Variants in PRKN observed in about 807,000 individuals in gnomAD.
PRKN encodes the protein E3 ubiquitin-protein ligase parkin.
A neutral mutation model predicts 59.5 loss-of-function variants in PRKN; 56 were observed. That is an observed-to-expected ratio of 0.94 (90% confidence interval 0.76 to 1.18). The LOEUF is 1.18. Among genes scored for constraint, PRKN ranks in the 50% most tolerant of loss-of-function variants. The pLI, the probability that PRKN is intolerant of heterozygous loss-of-function variation, is 0.00. For synonymous variants in PRKN, 250 were observed against 222.1 expected, an observed-to-expected ratio of 1.13 and a Z score of -1.12; for missense variants, 657 against 596.4, an observed-to-expected ratio of 1.10 and a Z score of -1.06.
At chr6:161,677,641 C>T (rs374215933) in intron 7 of PRKN, among the ~76,000 whole-genome samples, 26 of 152,286 alleles carry the variant, frequency 1.7e-4, no homozygotes, top group South Asian at 4.1e-4. Context: ...CTATGACTGA[C>T]GCCAAATAGC....
In PRKN at chr6:162,201,136, T is replaced by C. The variant is rs1246047894; in HGVS notation, c.529A>G (p.Thr177Ala). 4 of 1,614,028 alleles carry C rather than the reference T, an allele frequency of 2.5e-6. No individual in the cohort carries two copies. The highest frequency in any genetic ancestry group is 3.4e-6 in the Non-Finnish European group (4 of 1,180,004). Residue 177 changes from threonine to alanine, a missense_variant, in exon 4 of 12, where the codon ACC becomes GCC. By Grantham distance (58) the Thr-to-Ala change is moderately conservative. Transcript: ENST00000366898. ...CTGACACTGCATTTCCTTACCTGGG[T>C]CAAGGTGAGCGTTGCCTGCCTGCAG... is the stretch of plus-strand genomic sequence containing the variant. ...STCRQATLTL[T>A]QGPSCWDDVL...
chr6:162,538,687 C>T (rs1281680827), intron 1 of PRKN, among the ~76,000 whole-genome samples: 1 of 152,104 alleles, frequency 6.6e-6, no homozygotes, highest in African/African-American at 2.4e-5. Flanking sequence ...TGAGATCAAC[C>T]GATCTACAGA....
rs79519108 is a variant in PRKN, at chr6:162,513,543, G to A, written c.8-70070C>T. Among the ~76,000 whole-genome samples the A allele has an allele frequency of 2.5e-3, 384 of 152,004 alleles. 16 individuals are homozygous for A. The East Asian group carries it at 0.061, about 24-fold the overall frequency. On this transcript the variant is annotated intron_variant, in intron 1 of 11. Coordinates refer to ENST00000366898, the MANE Select transcript of PRKN (RefSeq NM_004562.3). ...AAGAGAGAGAGAAAGAGAAGGAAGA[G>A]AGAGACAGAGAAAGAAGGAAGGAAA...
At chr6:162,555,681 T>A (rs1779533260) in intron 1 of PRKN, among the ~76,000 whole-genome samples, 1 of 152,028 alleles carries the variant, frequency 6.6e-6, no homozygotes, top group South Asian at 2.1e-4. Flanking sequence ...TCCATTGACA[T>A]TTCATAATTA....
intron 7 of PRKN, among the ~76,000 whole-genome samples, chr6:161,776,690 T>C (rs1789939447): frequency 6.6e-6 from 1 of 152,120 alleles, no homozygotes; most frequent in Admixed American, 6.6e-5. Context: ...CTTTAAAAAC[T>C]TCCATGTAAC....
intron 7 of PRKN, among the ~76,000 whole-genome samples, chr6:161,680,751 ATATATATATATATATATATATATATTT>A (rs1562603680): frequency 1.3e-4 from 2 of 15,594 alleles, no homozygotes; most frequent in Non-Finnish European, 2.7e-4. Flanking sequence ...ATATATATAT[ATATATATATATATATATATATATATTT>A]TTTTTTTTTT....
intron 7 of PRKN, among the ~76,000 whole-genome samples, chr6:161,710,580 A>G (rs1052317864): frequency 1.3e-5 from 2 of 152,122 alleles, no homozygotes; most frequent in African/African-American, 2.4e-5. Context: ...TTTAAACATC[A>G]TAAGAATGAT....
At chr6:161,630,395 T>C (rs748433758) in intron 7 of PRKN, among the ~76,000 whole-genome samples, 2 of 152,192 alleles carry the variant, frequency 1.3e-5, no homozygotes, top group African/African-American at 2.4e-5. Context: ...ACACACGGTA[T>C]GTCCCCAATA....
At chr6:161,827,607 A>C (rs1792301047) in intron 6 of PRKN, among the ~76,000 whole-genome samples, 1 of 147,452 alleles carries the variant, frequency 6.8e-6, no homozygotes, top group African/African-American at 2.5e-5. Flanking sequence ...CCTCTGGTTC[A>C]AGCAATTCTT....
intron 7 of PRKN, among the ~76,000 whole-genome samples, chr6:161,681,453 C>CT (rs111558346): frequency 1.7e-3 from 245 of 147,026 alleles, no homozygotes; most frequent in Middle Eastern, 3.5e-3. Context: ...CCAAGTAAAT[C>CT]TTTTTTTTTT....
chr6:161,989,391 G>A (rs1205500398), intron 5 of PRKN, among the ~76,000 whole-genome samples: 1 of 151,976 alleles, frequency 6.6e-6, no homozygotes, highest in Non-Finnish European at 1.5e-5. Flanking sequence ...ACCAGTGCGT[G>A]GATATACCAT....
chr6:161,893,060 C>T (rs1777473526), intron 6 of PRKN, among the ~76,000 whole-genome samples: 1 of 152,234 alleles, frequency 6.6e-6, no homozygotes, highest in African/African-American at 2.4e-5. Flanking sequence ...CCAGGCTGAT[C>T]TTGAACTCCT....
intron 5 of PRKN, among the ~76,000 whole-genome samples, chr6:162,050,294 T>C (rs1034142559): frequency 6.6e-6 from 1 of 152,204 alleles, no homozygotes; most frequent in Non-Finnish European, 1.5e-5. Flanking sequence ...TTTAGGTATG[T>C]CTTTTGTAAC....
rs182918883 is a variant in PRKN, at chr6:162,189,161, T to C, written c.534+11970A>G. Among the ~76,000 whole-genome samples, 507 of 137,786 alleles carry C rather than the reference T, an allele frequency of 3.7e-3. 6 individuals are homozygous for C. Among genetic ancestry groups the C allele is most frequent in the East Asian group, 0.027 (125 of 4,656 alleles). The allele number at this position is 137,786 out of a possible 152,430, so 90.4% of individuals were successfully genotyped here. On this transcript the variant is annotated intron_variant, in intron 4 of 11. Coordinates refer to ENST00000366898, the MANE Select transcript of PRKN (RefSeq NM_004562.3). The stretch of plus-strand genomic sequence containing the variant: ...TCTATAGGAGGGAATTGAGATTAGA[T>C]GACTGCAAAGTTGATTCCTATTCTA...
intron 2 of PRKN, among the ~76,000 whole-genome samples, chr6:162,280,019 G>T (rs761364007): frequency 2.0e-5 from 3 of 151,498 alleles, no homozygotes; most frequent in African/African-American, 7.3e-5. Context: ...CATTCCATTT[G>T]CTTGGTAAAT....
intron 7 of PRKN, chr6:161,716,062 G>A: frequency 8.5e-6 from 11 of 1,298,636 alleles, no homozygotes; most frequent in Non-Finnish European, 1.1e-5. Flanking sequence ...ATGCTGTGCT[G>A]GGCCCATCTT....
intron 3 of PRKN, among the ~76,000 whole-genome samples, chr6:162,219,060 T>C (rs138887395): frequency 1.3e-5 from 2 of 152,166 alleles, no homozygotes; most frequent in African/African-American, 4.8e-5. Context: ...CATGGTGGCA[T>C]GCACCTGTAC....
At chr6:161,590,569 C>T (rs1308197281) in intron 7 of PRKN, among the ~76,000 whole-genome samples, 1 of 151,982 alleles carries the variant, frequency 6.6e-6, no homozygotes, top group Non-Finnish European at 1.5e-5. Flanking sequence ...CCCATCTTTA[C>T]TAAAAATACA....
chr6:161,987,248 T>C (rs1341759142), intron 5 of PRKN, among the ~76,000 whole-genome samples: 1 of 152,182 alleles, frequency 6.6e-6, no homozygotes, highest in Non-Finnish European at 1.5e-5. Context: ...AAAACTAAGA[T>C]GAATAAAACT....
Sources: gnomAD v4.1 joint callset for allele counts (sites outside exome capture counted in the v4.1 genomes callset) on GRCh38, gnomAD v4.1.1 for gene constraint, MANE v1.5 for transcripts, NCBI Gene and HGNC (gene_info 2026-07-23, HGNC 2026-07-21) for gene names.